RABGAP1L: variants seen among roughly 807,000 people sequenced by gnomAD.
RABGAP1L encodes the protein RAB GTPase activating protein 1 like, also known as rab GTPase-activating protein 1-like.
A neutral mutation model predicts 137.7 loss-of-function variants in RABGAP1L; 63 were observed. The observed-to-expected ratio is 0.46, with a 90% CI of 0.37 to 0.56. The LOEUF is 0.56. Among genes scored for constraint, RABGAP1L ranks in the 20% least tolerant of loss-of-function variants. The pLI is 0.00. For missense variants in RABGAP1L, 1,095 were observed against 1,244.0 expected (o/e 0.88, Z 1.80); for synonymous variants, 431 against 433.7 (o/e 0.99, Z 0.08).
At chr1:174,243,886 TA>T (rs1672035375) in intron 5 of RABGAP1L, among the ~76,000 whole-genome samples, 1 of 152,246 alleles carries the variant, frequency 6.6e-6, no homozygotes. Flanking sequence ...CAGTTTTCAG[TA>T]ACAACTTTCC....
intron 17 of RABGAP1L, among the ~76,000 whole-genome samples, chr1:174,740,930 TGTTGA>T (rs1349115907): frequency 2.6e-5 from 4 of 152,266 alleles, no homozygotes; most frequent in South Asian, 2.1e-4. Flanking sequence ...GTTTTTTTCC[TGTTGA>T]GTTGAGTTCC....
At chr1:174,730,913 A>G (rs950311566) in intron 17 of RABGAP1L, among the ~76,000 whole-genome samples, 8 of 152,242 alleles carry the variant, frequency 5.3e-5, no homozygotes, top group African/African-American at 1.7e-4. Flanking sequence ...AATCTTATGT[A>G]TAAGGACAAT....
chr1:174,651,755 A>G (rs1298979314), intron 14 of RABGAP1L, among the ~76,000 whole-genome samples: 3 of 152,172 alleles, frequency 2.0e-5, no homozygotes, highest in Non-Finnish European at 2.9e-5. Flanking sequence ...CGTTTCTTGA[A>G]TACAGCACAC....
chr1:174,410,547 A>G (rs1490076673), intron 13 of RABGAP1L, among the ~76,000 whole-genome samples: 3 of 152,094 alleles, frequency 2.0e-5, no homozygotes, highest in East Asian at 1.9e-4. Context: ...TGAGGATCAG[A>G]TGGCTGTAGG....
chr1:174,421,647 G>A (rs1463284107), intron 13 of RABGAP1L, among the ~76,000 whole-genome samples: 1 of 152,140 alleles, frequency 6.6e-6, no homozygotes, highest in African/African-American at 2.4e-5. Flanking sequence ...TTCTTGCAGG[G>A]TGTTTTCACT....
At chr1:174,536,213 A>C (rs1248345913) in intron 13 of RABGAP1L, among the ~76,000 whole-genome samples, 1 of 151,936 alleles carries the variant, frequency 6.6e-6, no homozygotes, top group Non-Finnish European at 1.5e-5. Flanking sequence ...AAAAAAAAAA[A>C]CCTCTGGAAA....
intron 13 of RABGAP1L, among the ~76,000 whole-genome samples, chr1:174,463,636 A>G (rs573035577): frequency 1.3e-5 from 2 of 152,280 alleles, no homozygotes; most frequent in African/African-American, 2.4e-5. Flanking sequence ...CATTGTGCAC[A>G]TGTACCCTAA....
At chr1:174,349,699 C>A (rs904383462) in intron 11 of RABGAP1L, among the ~76,000 whole-genome samples, 1 of 137,226 alleles carries the variant, frequency 7.3e-6, no homozygotes, top group African/African-American at 2.6e-5. Flanking sequence ...ACCCCCACCT[C>A]CCTCCCGGAC....
In RABGAP1L at chr1:174,660,660, C is replaced by A. The variant is rs1248871236; in HGVS notation, c.1825-22862C>A. On this transcript the variant is annotated intron_variant, in intron 14 of 25. Coordinates refer to ENST00000681986, the MANE Select transcript of RABGAP1L (RefSeq NM_001366446.1). ...CTCTCTATCATGCATTCTGTCCCAGCCACACTGCCAGCCTTGCTCACACTT... is the reference window on the plus strand; with the variant it reads ...CTCTCTATCATGCATTCTGTCCCAGACACACTGCCAGCCTTGCTCACACTT... Among the ~76,000 whole-genome samples the A allele has an allele frequency of 1.4e-4, 21 of 152,204 alleles. 1 individual carries two copies. The highest frequency in any genetic ancestry group is 1.2e-3 in the Admixed American group (19 of 15,272).
intron 11 of RABGAP1L, among the ~76,000 whole-genome samples, chr1:174,325,585 C>T (rs187357083): frequency 1.9e-4 from 29 of 152,260 alleles, no homozygotes; most frequent in African/African-American, 5.5e-4. Context: ...CAGTACCACA[C>T]GTGGAAGTTT....
intron 19 of RABGAP1L, among the ~76,000 whole-genome samples, chr1:174,951,444 A>G (rs1029687883): frequency 6.6e-6 from 1 of 152,168 alleles, no homozygotes; most frequent in African/African-American, 2.4e-5. Context: ...TAGGCTTAAA[A>G]CTGTTAGGAA....
chr1:174,799,310 A>G (rs1325395016), intron 18 of RABGAP1L, among the ~76,000 whole-genome samples: 3 of 152,128 alleles, frequency 2.0e-5, no homozygotes, highest in Non-Finnish European at 4.4e-5. Flanking sequence ...AGGGTGTGTC[A>G]TTTCTTGGTT....
chr1:174,706,597 A>G (rs1680068178), intron 17 of RABGAP1L, among the ~76,000 whole-genome samples: 1 of 152,198 alleles, frequency 6.6e-6, no homozygotes, highest in African/African-American at 2.4e-5. Flanking sequence ...CAGATAAAAG[A>G]AAATTTGCAA....
At chr1:174,391,980 A>C (rs1687238406) in intron 12 of RABGAP1L, among the ~76,000 whole-genome samples, 1 of 152,164 alleles carries the variant, frequency 6.6e-6, no homozygotes, top group African/African-American at 2.4e-5. Context: ...TTTATGACTA[A>C]TCCTGGCTCT....
intron 11 of RABGAP1L, among the ~76,000 whole-genome samples, chr1:174,314,536 T>G (rs1370381281): frequency 6.6e-6 from 1 of 152,166 alleles, no homozygotes; most frequent in Admixed American, 6.5e-5. Flanking sequence ...TTCCTTCAAC[T>G]AATTTTGGGT....
chr1:174,416,838 C>T (rs1015340323), intron 13 of RABGAP1L, among the ~76,000 whole-genome samples: 4 of 151,830 alleles, frequency 2.6e-5, no homozygotes, highest in Non-Finnish European at 5.9e-5. Flanking sequence ...GTGTTGTTTC[C>T]CAGGCTGCTT....
At chr1:174,181,438 C>T (rs888062005) in intron 1 of RABGAP1L, among the ~76,000 whole-genome samples, 9 of 151,510 alleles carry the variant, frequency 5.9e-5, no homozygotes, top group East Asian at 1.9e-4. Context: ...CCCAGGTTCA[C>T]GCCATTCTCC....
At chr1:174,904,921 G>A (rs1337772118) in intron 19 of RABGAP1L, among the ~76,000 whole-genome samples, 1 of 152,134 alleles carries the variant, frequency 6.6e-6, no homozygotes, top group Non-Finnish European at 1.5e-5. Flanking sequence ...CAACTTGCTG[G>A]GATGACAGGC....
chr1:174,448,266 T>C lies in RABGAP1L; in HGVS notation c.1710+54121T>C. ...ACAGTGGTTATTGTGTTGCTGACAT[T>C]TCTGATCATTGCTGGGAATCTAACA... On this transcript the variant is annotated intron_variant, in intron 13 of 25. Transcript: ENST00000681986. This position sits in a 1 kb window ranked among gnomAD's most constrained non-coding sequence, Gnocchi z 4.2. 1 of 1,613,968 alleles carries C rather than the reference T, an allele frequency of 6.2e-7. No homozygotes were observed. Among genetic ancestry groups the C allele is most frequent in the Non-Finnish European group, 8.5e-7 (1 of 1,179,844 alleles).
Sources: allele counts gnomAD v4.1 joint callset (sites outside exome capture counted in the v4.1 genomes callset), GRCh38; gene constraint gnomAD v4.1.1; non-coding constraint Gnocchi (gnomAD v3.1); transcripts MANE v1.5; gene names NCBI Gene and HGNC (gene_info 2026-07-23, HGNC 2026-07-21).